SERPING1: variants seen among roughly 807,000 people sequenced by gnomAD.
The protein encoded by SERPING1 is plasma protease C1 inhibitor.
Under a neutral mutation model 34.1 loss-of-function variants are expected in SERPING1, and 5 were observed. The ratio of observed to expected loss-of-function variants is 0.15; its 90% CI spans 0.08 to 0.31. The LOEUF (loss-of-function observed/expected upper bound fraction) is 0.31. Among genes scored for constraint, SERPING1 ranks in the 10% least tolerant of loss-of-function variants. The pLI is 1.00. For missense variants in SERPING1, 505 were observed against 609.5 expected (o/e 0.83, Z 1.81); for synonymous variants, 225 against 242.4 (o/e 0.93, Z 0.67).
chr11:57,606,663 C>T, intron 6 of SERPING1, 116 bp downstream of exon 6: 1 of 1,049,838 alleles, frequency 9.5e-7, no homozygotes, highest in Non-Finnish European at 1.5e-6. Flanking sequence ...ACTTCTACTC[C>T]TTCCATCTGT....
intron 6 of SERPING1, among the ~76,000 whole-genome samples, chr11:57,607,482 C>T (rs1422521972): frequency 6.6e-5 from 10 of 152,110 alleles, no homozygotes; most frequent in African/African-American, 2.4e-5. Flanking sequence ...TGTCTGTCTC[C>T]CTAAGATACT....
At chr11:57,603,230 T>C (rs1945370417) in intron 4 of SERPING1, among the ~76,000 whole-genome samples, 2 of 143,906 alleles carry the variant, frequency 1.4e-5, no homozygotes, top group African/African-American at 2.6e-5. Context: ...CAAAACTCTG[T>C]CTCAAAAAAA....
chr11:57,598,909 G>A (rs575072745), intron 2 of SERPING1, among the ~76,000 whole-genome samples: 1 of 146,950 alleles, frequency 6.8e-6, no homozygotes, highest in Non-Finnish European at 1.5e-5. Flanking sequence ...CAGGAGAAAG[G>A]TAGGTAGGGG....
Position 57,602,123 on chromosome 11 carries a change from C to T in SERPING1, c.639C>T (p.Phe213=). 6.2e-7 allele frequency: 1 copy of T among 1,614,220 alleles called. No individual in the cohort carries two copies. The highest frequency in any genetic ancestry group is 8.5e-7 in the Non-Finnish European group (1 of 1,180,050). The change falls in exon 4 of 8, where the codon TTC becomes TTT. Residue 213 remains phenylalanine, a synonymous_variant. Transcript: ENST00000278407. ...FTCVHQALKG[F]TTKGVTSVSQ... ...GTGTCCACCAGGCCCTGAAGGGCTT[C>T]ACGACCAAAGGTGTCACCTCAGTCT...
At chr11:57,603,584 A>G (rs1945374823) in intron 4 of SERPING1, among the ~76,000 whole-genome samples, 1 of 151,316 alleles carries the variant, frequency 6.6e-6, no homozygotes, top group Non-Finnish European at 1.5e-5. Flanking sequence ...CATGCCTGTA[A>G]TCCCAGCACT....
At chr11:57,603,880 T>A (rs1429241264) in intron 4 of SERPING1, among the ~76,000 whole-genome samples, 2 of 147,714 alleles carry the variant, frequency 1.4e-5, no homozygotes, top group African/African-American at 5.0e-5. Context: ...CCAGGCGCGG[T>A]GTCTCACACC....
intron 6 of SERPING1, 64 bp downstream of exon 6, chr11:57,606,611 C>T: frequency 6.5e-7 from 1 of 1,542,112 alleles, no homozygotes; most frequent in Non-Finnish European, 8.9e-7. Context: ...TTTTTTTCTG[C>T]TGTAGTCCCA....
At chr11:57,601,417 G>T (rs760413392) in intron 3 of SERPING1, among the ~76,000 whole-genome samples, 4 of 139,248 alleles carry the variant, frequency 2.9e-5, no homozygotes, top group Non-Finnish European at 6.3e-5. Context: ...AAAAAAAGAA[G>T]CAGCCTAGTG....
chr11:57,609,994 T>C (rs762733680), intron 6 of SERPING1, among the ~76,000 whole-genome samples: 4 of 152,228 alleles, frequency 2.6e-5, no homozygotes, highest in Non-Finnish European at 4.4e-5. Flanking sequence ...CTTGGCCATA[T>C]CATCCTAACA....
At chr11:57,600,821 C>G (rs928061905) in intron 3 of SERPING1, among the ~76,000 whole-genome samples, 4 of 151,902 alleles carry the variant, frequency 2.6e-5, no homozygotes, top group African/African-American at 9.7e-5. Context: ...AGTGGTGGTG[C>G]ATGCCTGTAA....
intron 6 of SERPING1, among the ~76,000 whole-genome samples, chr11:57,607,152 C>G (rs1165421651): frequency 6.6e-6 from 1 of 152,160 alleles, no homozygotes; most frequent in African/African-American, 2.4e-5. Flanking sequence ...ACCTATGAGA[C>G]AGAAAACAGT....
At chr11:57,606,828 G>A (rs976975492) in intron 6 of SERPING1, 1 of 641,710 alleles carries the variant, frequency 1.6e-6, no homozygotes, top group African/African-American at 1.8e-5. Flanking sequence ...CTACACATCT[G>A]TTTCTTTTTC....
intron 4 of SERPING1, among the ~76,000 whole-genome samples, chr11:57,603,233 C>CAAA (rs1450085486): frequency 1.5e-3 from 181 of 122,166 alleles, no homozygotes; most frequent in Non-Finnish European, 2.1e-3. Context: ...AACTCTGTCT[C>CAAA]AAAAAAAAAA....
chr11:57,604,925 A>G (rs1271566532), intron 4 of SERPING1, among the ~76,000 whole-genome samples: 1 of 151,980 alleles, frequency 6.6e-6, no homozygotes, highest in Admixed American at 6.6e-5. Context: ...TGCTTGAGCC[A>G]AGGAATTCGA....
intron 4 of SERPING1, among the ~76,000 whole-genome samples, chr11:57,603,838 CAA>C (rs1259067706): frequency 4.0e-4 from 27 of 67,090 alleles, no homozygotes; most frequent in Admixed American, 7.7e-4. Flanking sequence ...GACACCATCT[CAA>C]AAAAAAAAAA....
chr11:57,609,302 G>A (rs1945449867), intron 6 of SERPING1, among the ~76,000 whole-genome samples: 1 of 151,964 alleles, frequency 6.6e-6, no homozygotes, highest in Non-Finnish European at 1.5e-5. Flanking sequence ...GAATAGGCTG[G>A]GTACAGTGGC....
rs777841000 is a variant in SERPING1 at position 57,602,117 on chromosome 11, G to A, written c.633G>A (p.Lys211=). ...KDFTCVHQAL[K]GFTTKGVTSV... ...TCACCTGTGTCCACCAGGCCCTGAA[G>A]GGCTTCACGACCAAAGGTGTCACCT... The change falls in exon 4 of 8, where the codon AAG becomes AAA. Residue 211 remains lysine, a synonymous_variant. Coordinates refer to ENST00000278407, the MANE Select transcript of SERPING1 (RefSeq NM_000062.3). The A allele has an allele frequency of 6.8e-6, 11 of 1,614,084 alleles. No individual in the cohort carries two copies. Among genetic ancestry groups the A allele is most frequent in the Admixed American group, 1.7e-5 (1 of 60,008 alleles).
In SERPING1 at chr11:57,611,898, C is replaced by T. The variant is rs373751057; in HGVS notation, c.1211C>T (p.Thr404Met). The T allele has an allele frequency of 2.2e-5, 35 of 1,614,126 alleles. No individual in the cohort carries two copies. The highest frequency in any genetic ancestry group is 5.3e-5 in the African/African-American group (4 of 75,026). ...CTAACACTACCCCGCATCAAAGTGA[C>T]GACCAGCCAGGATATGCTCTCAATC... ...TLLTLPRIKV[T>M]TSQDMLSIME... The change falls in exon 7 of 8, where the codon ACG (threonine) becomes ATG (methionine). Residue 404 changes from threonine (T) to methionine (M), a missense_variant. Physicochemically the swap from Thr to Met is moderately conservative, Grantham distance 81 (BLOSUM62 -1). Transcript: ENST00000278407.
chr11:57,607,484 T>G (rs1465798732), intron 6 of SERPING1, among the ~76,000 whole-genome samples: 2 of 152,230 alleles, frequency 1.3e-5, no homozygotes, highest in African/African-American at 4.8e-5. Context: ...TCTGTCTCCC[T>G]AAGATACTGT....
Sources: allele counts gnomAD v4.1 joint callset (sites outside exome capture counted in the v4.1 genomes callset), GRCh38; gene constraint gnomAD v4.1.1; transcripts MANE v1.5; gene names NCBI Gene and HGNC (gene_info 2026-07-23, HGNC 2026-07-21).